Variants in RIT2 observed in about 807,000 individuals in gnomAD.
The protein encoded by RIT2 is Ras like without CAAX 2.
Under a neutral mutation model 23.7 loss-of-function variants are expected in RIT2, and 24 were observed. The ratio of observed to expected loss-of-function variants is 1.01; its 90% CI spans 0.73 to 1.43. The LOEUF (loss-of-function observed/expected upper bound fraction) is 1.43. Ranked by LOEUF, RIT2 falls within the 40% of genes most tolerant of loss-of-function variation. The pLI, the probability that RIT2 is intolerant of heterozygous loss-of-function variation, is 0.00. For synonymous variants in RIT2, 107 were observed against 91.1 expected, an observed-to-expected ratio of 1.17 and a Z score of -0.99; for missense variants, 236 against 266.9, an observed-to-expected ratio of 0.88 and a Z score of 0.81.
intron 4 of RIT2, among the ~76,000 whole-genome samples, chr18:42,835,643 G>A (rs1456472409): frequency 6.6e-6 from 1 of 151,998 alleles, no homozygotes; most frequent in South Asian, 2.1e-4. Context: ...TTAAAGATAA[G>A]GTTTTCAATG....
intron 4 of RIT2, among the ~76,000 whole-genome samples, chr18:42,775,653 C>T (rs1409749411): frequency 3.3e-5 from 5 of 151,656 alleles, no homozygotes; most frequent in East Asian, 1.9e-4. Context: ...GCCTAGATCG[C>T]GCCACTGCAC....
In RIT2 at chr18:42,797,312, G is replaced by C. The variant is rs148181554; in HGVS notation, c.427-53592C>G. On this transcript the variant is annotated intron_variant, in intron 4 of 4. Coordinates refer to ENST00000326695, the MANE Select transcript of RIT2 (RefSeq NM_002930.4). Reference sequence around the variant, plus strand: ...AGTACTGAAAAGGAGGACAAGATGTGTTTACTCTTGTGGTGGTCACACTTT... The same window carrying C: ...AGTACTGAAAAGGAGGACAAGATGTCTTTACTCTTGTGGTGGTCACACTTT... 2.8e-3 allele frequency among the ~76,000 whole-genome samples: 420 copies of C among 152,062 alleles called. 3 individuals carry two copies. The highest frequency in any genetic ancestry group is 8.9e-3 in the African/African-American group (371 of 41,496).
chr18:42,933,933 G>A (rs776498113), intron 3 of RIT2, among the ~76,000 whole-genome samples: 5 of 150,148 alleles, frequency 3.3e-5, no homozygotes, highest in African/African-American at 4.9e-5. Context: ...CAGGAGAATC[G>A]CTTGAACCCA....
At chr18:43,062,372 C>G (rs1472774702) in intron 1 of RIT2, among the ~76,000 whole-genome samples, 1 of 152,136 alleles carries the variant, frequency 6.6e-6, no homozygotes, top group Non-Finnish European at 1.5e-5. Flanking sequence ...AAAAGCATCA[C>G]AGTTCCTCCT....
chr18:42,991,738 C>T (rs1399658974), intron 2 of RIT2, among the ~76,000 whole-genome samples: 1 of 152,066 alleles, frequency 6.6e-6, no homozygotes, highest in East Asian at 1.9e-4. Flanking sequence ...CTCAAAAGCT[C>T]CCGTACTGAG....
At chr18:42,795,657 G>C (rs1332732421) in intron 4 of RIT2, among the ~76,000 whole-genome samples, 3 of 152,364 alleles carry the variant, frequency 2.0e-5, no homozygotes, top group African/African-American at 4.8e-5. Context: ...CTGCAGCCCG[G>C]GTGCGGGATC....
At chr18:42,799,111 G>A (rs1472634062) in intron 4 of RIT2, among the ~76,000 whole-genome samples, 1 of 152,136 alleles carries the variant, frequency 6.6e-6, no homozygotes, top group African/African-American at 2.4e-5. Context: ...AATAAATAGG[G>A]CATCTCTGTC....
intron 4 of RIT2, among the ~76,000 whole-genome samples, chr18:42,786,852 G>C (rs1474069346): frequency 6.6e-6 from 1 of 151,876 alleles, no homozygotes; most frequent in African/African-American, 2.4e-5. Context: ...GAACTTCCCC[G>C]TGATCCTATG....
intron 3 of RIT2, among the ~76,000 whole-genome samples, chr18:42,958,330 T>A (rs1476975615): frequency 6.6e-6 from 1 of 152,168 alleles, no homozygotes; most frequent in African/African-American, 2.4e-5. Context: ...TAAAAAATTA[T>A]TGACCAAGAT....
At chr18:42,846,742 A>C (rs1906920270) in intron 4 of RIT2, among the ~76,000 whole-genome samples, 1 of 152,168 alleles carries the variant, frequency 6.6e-6, no homozygotes, top group Admixed American at 6.5e-5. Context: ...CATTAATGTA[A>C]AAATATTTAA....
At chr18:42,759,337 C>T (rs1451286252) in intron 4 of RIT2, among the ~76,000 whole-genome samples, 2 of 152,028 alleles carry the variant, frequency 1.3e-5, no homozygotes, top group African/African-American at 4.8e-5. Context: ...TAGAATTGTT[C>T]CTGGTCATCA....
At chr18:42,943,487 T>C (rs1017188115) in intron 3 of RIT2, among the ~76,000 whole-genome samples, 2 of 152,092 alleles carry the variant, frequency 1.3e-5, no homozygotes, top group African/African-American at 4.8e-5. Flanking sequence ...CAAATACTTA[T>C]TCCTTGATTT....
intron 1 of RIT2, among the ~76,000 whole-genome samples, chr18:43,071,816 T>G (rs895504860): frequency 2.0e-5 from 3 of 152,192 alleles, no homozygotes; most frequent in African/African-American, 7.2e-5. Flanking sequence ...GTCTATAGAT[T>G]TCATCAGACT....
At chr18:42,953,841 A>C (rs1909910089) in intron 3 of RIT2, among the ~76,000 whole-genome samples, 2 of 152,154 alleles carry the variant, frequency 1.3e-5, no homozygotes, top group Non-Finnish European at 2.9e-5. Flanking sequence ...AATAGTAGAG[A>C]CCAGATAATA....
intron 2 of RIT2, among the ~76,000 whole-genome samples, chr18:43,021,530 G>C (rs1911597933): frequency 6.6e-6 from 1 of 152,066 alleles, no homozygotes; most frequent in African/African-American, 2.4e-5. Context: ...GGGGCTTGGA[G>C]AGAGGTGATT....
intron 2 of RIT2, among the ~76,000 whole-genome samples, chr18:42,996,632 A>T (rs1223065555): frequency 6.7e-6 from 1 of 150,094 alleles, no homozygotes; most frequent in Non-Finnish European, 1.5e-5. Flanking sequence ...CCCACCAGAG[A>T]ACAACCCCCC....
At chr18:42,862,538 T>A (rs915419258) in intron 4 of RIT2, among the ~76,000 whole-genome samples, 2 of 152,186 alleles carry the variant, frequency 1.3e-5, no homozygotes, top group Non-Finnish European at 2.9e-5. Context: ...TTGTGGTAAA[T>A]ATTATTTGAT....
intron 4 of RIT2, among the ~76,000 whole-genome samples, chr18:42,911,078 A>C (rs952110965): frequency 6.6e-6 from 1 of 152,116 alleles, no homozygotes; most frequent in African/African-American, 2.4e-5. Context: ...AATCACACAG[A>C]GTATGATCTC....
intron 1 of RIT2, among the ~76,000 whole-genome samples, chr18:43,057,798 C>CTTTTTTTTTTTTTTTTTTTT (rs11393575): frequency 0.024 from 2,891 of 121,830 alleles, 186 homozygotes; most frequent in East Asian, 0.044. Context: ...GTGATGGACA[C>CTTTTTTTTTTTTTTTTTTTT]TTTTTTTTTT....
Sources: allele counts gnomAD v4.1 joint callset (sites outside exome capture counted in the v4.1 genomes callset), GRCh38; gene constraint gnomAD v4.1.1; transcripts MANE v1.5; gene names NCBI Gene and HGNC (gene_info 2026-07-23, HGNC 2026-07-21).